Variants in ENTHD1 observed in about 807,000 individuals in gnomAD.
ENTHD1 encodes ENTH domain containing 1, also known as ENTH domain-containing protein 1.
Under a neutral mutation model 39.1 loss-of-function variants are expected in ENTHD1, and 23 were observed. That is an observed-to-expected ratio of 0.59 (90% CI 0.42 to 0.83). The LOEUF (loss-of-function observed/expected upper bound fraction) is 0.83. Among genes scored for constraint, ENTHD1 ranks in the 40% least tolerant of loss-of-function variants. The pLI, the probability that ENTHD1 is intolerant of heterozygous loss-of-function variation, is 0.00. For missense variants in ENTHD1, 624 were observed against 705.4 expected (o/e 0.88, Z 1.31); for synonymous variants, 230 against 258.2 (o/e 0.89, Z 1.05).
intron 6 of ENTHD1, among the ~76,000 whole-genome samples, chr22:39,761,398 T>C (rs2065231828): frequency 6.6e-6 from 1 of 152,232 alleles, no homozygotes; most frequent in Non-Finnish European, 1.5e-5. Flanking sequence ...CTATGATGTG[T>C]CTAGACATAG....
chr22:39,851,476 G>A (rs1174424403), intron 3 of ENTHD1, among the ~76,000 whole-genome samples: 1 of 152,100 alleles, frequency 6.6e-6, no homozygotes, highest in East Asian at 1.9e-4. Flanking sequence ...ACTCTTTGGG[G>A]GATTAAGTAT....
chr22:39,875,110 T>A (rs1001233624), intron 2 of ENTHD1, among the ~76,000 whole-genome samples: 1 of 152,202 alleles, frequency 6.6e-6, no homozygotes, highest in African/African-American at 2.4e-5. Flanking sequence ...AACTGTGGTA[T>A]GCACATACAA....
At chr22:39,875,638 G>A (rs1601662195) in intron 2 of ENTHD1, 1 of 1,612,130 alleles carries the variant, frequency 6.2e-7, no homozygotes, top group East Asian at 2.2e-5. Flanking sequence ...TCTCCTATTT[G>A]GTAACTGGAG....
chr22:39,843,345 T>C (rs2065960219), intron 3 of ENTHD1, among the ~76,000 whole-genome samples: 1 of 150,662 alleles, frequency 6.6e-6, no homozygotes, highest in African/African-American at 2.4e-5. Context: ...TCATTCTCAG[T>C]AAACTATCGC....
chr22:39,758,569 C>T (rs528862063), intron 6 of ENTHD1, among the ~76,000 whole-genome samples: 261 of 152,124 alleles, frequency 1.7e-3, no homozygotes, highest in Non-Finnish European at 2.9e-3. Context: ...GGATTACAGG[C>T]GCATGCCACC....
chr22:39,772,007 A>G (rs1044844143), intron 5 of ENTHD1, among the ~76,000 whole-genome samples: 2 of 152,170 alleles, frequency 1.3e-5, no homozygotes, highest in Admixed American at 1.3e-4. Context: ...AAATGTAACA[A>G]TATGTGTGGA....
intron 2 of ENTHD1, among the ~76,000 whole-genome samples, chr22:39,862,763 A>T (rs535984611): frequency 1.4e-4 from 21 of 152,318 alleles, no homozygotes; most frequent in Non-Finnish European, 1.2e-4. Flanking sequence ...GGAAGAGAGA[A>T]GCAGATAAAG....
intron 6 of ENTHD1, among the ~76,000 whole-genome samples, chr22:39,761,654 G>T (rs952303786): frequency 2.0e-5 from 3 of 151,892 alleles, no homozygotes; most frequent in South Asian, 4.2e-4. Context: ...CAGATTAGAT[G>T]ATTTCTATTG....
rs143562876 is a variant in ENTHD1, at chr22:39,861,920, C to T, written c.437G>A (p.Arg146Gln). Residue 146 changes from arginine to glutamine, a missense_variant, in exon 3 of 7, where the codon CGG becomes CAG. Arg to Gln is a conservative substitution (Grantham distance 43, BLOSUM62 1). Transcript: ENST00000325157. ...AGAGTGGGAGGTACGCTGTCTAGTC[C>T]GACATGCCACTTCCCTCTCTTTACA... ...LLCKEREVAC[R>Q]TRQRTSHSIL... The T allele has an allele frequency of 1.2e-5, 19 of 1,599,674 alleles. No homozygotes were observed. Among genetic ancestry groups the T allele is most frequent in the African/African-American group, 1.1e-4 (8 of 74,794 alleles).
intron 5 of ENTHD1, among the ~76,000 whole-genome samples, chr22:39,817,500 A>G (rs928662751): frequency 3.3e-5 from 5 of 152,192 alleles, no homozygotes; most frequent in Non-Finnish European, 5.9e-5. Context: ...AACAAAGTGA[A>G]TTCTATATAT....
chr22:39,761,594 A>T lies in ENTHD1; in HGVS notation c.1219+3629T>A, dbSNP rs1601575353. On this transcript the variant is annotated intron_variant, in intron 6 of 6. Coordinates refer to ENST00000325157, the MANE Select transcript of ENTHD1 (RefSeq NM_152512.4). Reference sequence around the variant, plus strand: ...TCAGACTGCTTGACACTGTTTCACAAGACTGAGTCTCTCTGTTTCTTTTTC... The same window carrying T: ...TCAGACTGCTTGACACTGTTTCACATGACTGAGTCTCTCTGTTTCTTTTTC... 2.6e-5 allele frequency among the ~76,000 whole-genome samples: 4 copies of T among 152,220 alleles called. No homozygotes were observed. In the South Asian group the frequency reaches 6.2e-4, roughly 24 times the overall value.
intron 5 of ENTHD1, among the ~76,000 whole-genome samples, chr22:39,818,624 T>C (rs1325538426): frequency 1.3e-5 from 2 of 152,154 alleles, no homozygotes; most frequent in Non-Finnish European, 2.9e-5. Context: ...CTATTGCCAG[T>C]GGAGAACTGT....
At chr22:39,845,242 A>G (rs1482855367) in intron 3 of ENTHD1, among the ~76,000 whole-genome samples, 1 of 152,176 alleles carries the variant, frequency 6.6e-6, no homozygotes, top group African/African-American at 2.4e-5. Context: ...CAACTCCATC[A>G]CAGGGCCCAT....
chr22:39,845,911 C>T (rs2065984296), intron 3 of ENTHD1, among the ~76,000 whole-genome samples: 1 of 150,714 alleles, frequency 6.6e-6, no homozygotes. Context: ...TTTTTTTCCC[C>T]TCAAAATCTA....
chr22:39,851,365 T>C (rs2066037284), intron 3 of ENTHD1, among the ~76,000 whole-genome samples: 1 of 152,232 alleles, frequency 6.6e-6, no homozygotes, highest in South Asian at 2.1e-4. Flanking sequence ...AATTCATCCA[T>C]TCAGTCCTAA....
At chr22:39,885,988 C>T (rs1468050066) in intron 2 of ENTHD1, among the ~76,000 whole-genome samples, 1 of 151,666 alleles carries the variant, frequency 6.6e-6, no homozygotes, top group African/African-American at 2.4e-5. Context: ...TACTGTAATA[C>T]ACCAAAATCC....
intron 5 of ENTHD1, among the ~76,000 whole-genome samples, chr22:39,808,573 G>A (rs779375993): frequency 1.6e-4 from 24 of 152,042 alleles, no homozygotes; most frequent in South Asian, 6.2e-4. Flanking sequence ...ATTAGTCTTC[G>A]TTCTCCTAAT....
At position 39,868,720 on chromosome 22, in the gene ENTHD1, T is replaced by G. The variant is rs559512274; in HGVS notation, c.350-6713A>C. ...AATGGGAGAAAATATTCATAAACTATGCATCTGACAAAGGTCTGATATTCA... is the reference window on the plus strand; with the variant it reads ...AATGGGAGAAAATATTCATAAACTAGGCATCTGACAAAGGTCTGATATTCA... On this transcript the variant is annotated intron_variant, in intron 2 of 6. Coordinates refer to ENST00000325157, the MANE Select transcript of ENTHD1 (RefSeq NM_152512.4). 1.3e-4 allele frequency among the ~76,000 whole-genome samples: 20 copies of G among 152,260 alleles called. No individual in the cohort carries two copies. In the South Asian group the frequency reaches 3.9e-3, roughly 30 times the overall value.
chr22:39,815,349 A>G (rs1476777795), intron 5 of ENTHD1, among the ~76,000 whole-genome samples: 1 of 151,892 alleles, frequency 6.6e-6, no homozygotes, highest in Non-Finnish European at 1.5e-5. Context: ...AGGCTGAGGC[A>G]GGAGAATCGC....
Sources: allele counts gnomAD v4.1 joint callset (sites outside exome capture counted in the v4.1 genomes callset), GRCh38; gene constraint gnomAD v4.1.1; transcripts MANE v1.5; gene names NCBI Gene and HGNC (gene_info 2026-07-23, HGNC 2026-07-21).